Variants in ZNF385D observed in about 807,000 individuals in gnomAD.
The protein encoded by ZNF385D is zinc finger protein 659.
A neutral mutation model predicts 35.8 loss-of-function variants in ZNF385D; 15 were observed. That is an observed-to-expected ratio of 0.42 (90% confidence interval 0.28 to 0.64). ZNF385D has a LOEUF of 0.64. Among genes scored for constraint, ZNF385D ranks in the 30% least tolerant of loss-of-function variants. ZNF385D has a pLI of 0.23. For missense variants in ZNF385D, 474 were observed against 494.6 expected (o/e 0.96, Z 0.39); for synonymous variants, 212 against 186.8 (o/e 1.13, Z -1.10).
chr3:21,868,212 CACTT>C (rs1697481179), intron 3 of ZNF385D, among the ~76,000 whole-genome samples: 1 of 152,096 alleles, frequency 6.6e-6, no homozygotes, highest in Admixed American at 6.6e-5. Flanking sequence ...TTTTTCAACT[CACTT>C]ATTGCACTGA....
chr3:22,246,639 A>C (rs552304997), intron 2 of ZNF385D, among the ~76,000 whole-genome samples: 42 of 152,284 alleles, frequency 2.8e-4, no homozygotes, highest in African/African-American at 8.7e-4. Context: ...ACACTAAATC[A>C]AACAAAAAGA....
chr3:22,123,960 CTCTATATATATA>C (rs1480292606), intron 3 of ZNF385D, among the ~76,000 whole-genome samples: 234 of 72,852 alleles, frequency 3.2e-3, no homozygotes, highest in Middle Eastern at 0.031. Flanking sequence ...CTCTCTCTCT[CTCTATATATATA>C]TATATATATA....
intron 2 of ZNF385D, among the ~76,000 whole-genome samples, chr3:22,175,699 A>G (rs1694778155): frequency 6.6e-6 from 1 of 151,730 alleles, no homozygotes; most frequent in African/African-American, 2.4e-5. Flanking sequence ...TAGGATTTAG[A>G]GAGTATTGCT....
intron 4 of ZNF385D, among the ~76,000 whole-genome samples, chr3:21,466,974 A>C (rs1028501980): frequency 6.6e-6 from 1 of 152,132 alleles, no homozygotes; most frequent in African/African-American, 2.4e-5. Flanking sequence ...AAATTTTCTA[A>C]ATCCTTAGTC....
intron 2 of ZNF385D, among the ~76,000 whole-genome samples, chr3:21,656,756 A>G (rs759159669): frequency 2.6e-5 from 4 of 151,938 alleles, no homozygotes; most frequent in Non-Finnish European, 4.4e-5. Context: ...ATGAAACTGG[A>G]CATCACTCAA....
chr3:22,169,591 A>C (rs536194159), intron 2 of ZNF385D, among the ~76,000 whole-genome samples: 1 of 152,334 alleles, frequency 6.6e-6, no homozygotes, highest in South Asian at 2.1e-4. Context: ...CACTCTTTCA[A>C]TACCCCAAAT....
intron 4 of ZNF385D, among the ~76,000 whole-genome samples, chr3:21,488,319 A>C (rs1236554831): frequency 7.1e-6 from 1 of 139,962 alleles, no homozygotes; most frequent in African/African-American, 2.7e-5. Context: ...TTTAAATTGA[A>C]TCTAATAAGC....
At chr3:22,123,507 C>A (rs1703221616) in intron 3 of ZNF385D, among the ~76,000 whole-genome samples, 1 of 152,140 alleles carries the variant, frequency 6.6e-6, no homozygotes, top group African/African-American at 2.4e-5. Context: ...TTGTTACAAA[C>A]TTTCCAATTG....
chr3:22,123,611 A>T (rs907878880), intron 3 of ZNF385D, among the ~76,000 whole-genome samples: 4 of 152,118 alleles, frequency 2.6e-5, no homozygotes, highest in Non-Finnish European at 5.9e-5. Context: ...TTTAATCCCA[A>T]CACTATGGGA....
chr3:22,090,330 G>C (rs1701265317), intron 3 of ZNF385D, among the ~76,000 whole-genome samples: 1 of 152,146 alleles, frequency 6.6e-6, no homozygotes, highest in Admixed American at 6.5e-5. Flanking sequence ...GGGCATGTGT[G>C]ACATCACAAT....
chr3:21,739,014 T>C (rs1358325813), intron 1 of ZNF385D, among the ~76,000 whole-genome samples: 8 of 152,206 alleles, frequency 5.3e-5, no homozygotes, highest in Admixed American at 5.2e-4. Context: ...AAGTGCACTT[T>C]GCTTCCCAAC....
chr3:22,094,385 G>GATATATATAT (rs140274686), intron 3 of ZNF385D, among the ~76,000 whole-genome samples: 4 of 70,830 alleles, frequency 5.6e-5, no homozygotes, highest in African/African-American at 1.7e-4. Flanking sequence ...ATTTATTGTT[G>GATATATATAT]ATATATATAT....
At chr3:21,782,200 T>C (rs2071517210) in intron 3 of ZNF385D, among the ~76,000 whole-genome samples, 2 of 152,084 alleles carry the variant, frequency 1.3e-5, no homozygotes, top group Admixed American at 1.3e-4. Context: ...TATGTGCCTG[T>C]CAGTATTCAG....
chr3:21,856,904 G>A (rs1019726856), intron 3 of ZNF385D, among the ~76,000 whole-genome samples: 16 of 152,002 alleles, frequency 1.1e-4, no homozygotes, highest in Non-Finnish European at 2.2e-4. Context: ...TTTTAAAAAC[G>A]TCCAAGGCAT....
chr3:21,812,922 G>T (rs1464628120), intron 3 of ZNF385D, among the ~76,000 whole-genome samples: 1 of 152,174 alleles, frequency 6.6e-6, no homozygotes, highest in East Asian at 1.9e-4. Flanking sequence ...CCCCTGAGTA[G>T]CCCAACTGGG....
chr3:21,568,575 G>C (rs1469096153), intron 2 of ZNF385D, among the ~76,000 whole-genome samples: 1 of 152,080 alleles, frequency 6.6e-6, no homozygotes, highest in Non-Finnish European at 1.5e-5. Context: ...GAAAAAAAGG[G>C]GTTCTTGGGT....
chr3:22,153,251 G>GTAC (rs936801435), intron 3 of ZNF385D, among the ~76,000 whole-genome samples: 2 of 151,988 alleles, frequency 1.3e-5, no homozygotes, highest in African/African-American at 4.8e-5. Flanking sequence ...GCCCTCTTAG[G>GTAC]TACTCTATAG....
At chr3:22,115,875 T>A (rs1576346257) in intron 3 of ZNF385D, among the ~76,000 whole-genome samples, 3 of 152,190 alleles carry the variant, frequency 2.0e-5, no homozygotes, top group Admixed American at 2.0e-4. Flanking sequence ...TAAAACTATC[T>A]TTGCAATTTT....
At chr3:21,726,727 G>C (rs886306408) in intron 1 of ZNF385D, among the ~76,000 whole-genome samples, 1 of 152,154 alleles carries the variant, frequency 6.6e-6, no homozygotes. Flanking sequence ...AACCAATATC[G>C]TGAAAATGCC....
Sources: gnomAD v4.1 joint callset for allele counts (sites outside exome capture counted in the v4.1 genomes callset) on GRCh38, gnomAD v4.1.1 for gene constraint, MANE v1.5 for transcripts, NCBI Gene and HGNC (gene_info 2026-07-23, HGNC 2026-07-21) for gene names.